The following CRACD variants were observed in gnomAD, a reference collection of about 807,000 sequenced individuals.
The protein encoded by CRACD is capping protein inhibiting regulator of actin dynamics.
CRACD carries 56 observed loss-of-function variants against 106.8 expected under a neutral mutation model. The observed-to-expected ratio is 0.52, with a 90% CI of 0.42 to 0.66. CRACD has a LOEUF of 0.66. CRACD is among the 30% of genes least tolerant of loss of function. The pLI is 0.00. For missense variants in CRACD, 1,730 were observed against 1,623.2 expected (o/e 1.07, Z -1.13); for synonymous variants, 754 against 670.8 (o/e 1.12, Z -1.92).
intron 1 of CRACD, among the ~76,000 whole-genome samples, chr4:56,157,556 A>G (rs1380006653): frequency 6.6e-6 from 1 of 152,178 alleles, no homozygotes; most frequent in Non-Finnish European, 1.5e-5. Context: ...AGCAAATACC[A>G]TCGCTGAGCA....
At position 56,310,676 on chromosome 4, in the gene CRACD, C is replaced by T. The variant is rs776810551; in HGVS notation, c.296C>T (p.Thr99Met). 284 of 1,610,060 alleles carry T rather than the reference C, an allele frequency of 1.8e-4. No homozygotes were observed. The highest frequency in any genetic ancestry group is 3.7e-4 in the Admixed American group (22 of 59,986). Residue 99 changes from threonine (T) to methionine (M), a missense_variant, in exon 6 of 11, where the codon ACG becomes ATG. Physicochemically the swap from Thr to Met is moderately conservative, Grantham distance 81 (BLOSUM62 -1). This residue lies in a region of CRACD where 1,620 missense variants were observed against 1,481.6 expected (regional missense o/e 1.09). Coordinates refer to ENST00000682029, the MANE Select transcript of CRACD (RefSeq NM_001393381.1). The part of the protein sequence containing the change: ...LSDAENKSSD[T>M]PSSLSPLNLP... ...CTCTTACTGTTCCAGTCCAGTGATA[C>T]GCCAAGTTCTCTAAGTCCTCTGAAT...
Position 56,328,866 on chromosome 4 carries a change from A to G in CRACD, c.*1062A>G, listed in dbSNP as rs1031643887. ...AAGCCAGCCATTTATTACAAGAAGCAACAGGTTATTGACATTACATGTTTG... is the reference window on the plus strand; with the variant it reads ...AAGCCAGCCATTTATTACAAGAAGCGACAGGTTATTGACATTACATGTTTG... On this transcript the variant is annotated 3_prime_UTR_variant, in exon 11 of 11. Coordinates refer to ENST00000682029, the MANE Select transcript of CRACD (RefSeq NM_001393381.1). Among the ~76,000 whole-genome samples, 17 of 152,230 alleles carry G rather than the reference A, an allele frequency of 1.1e-4. No homozygotes were observed. Among genetic ancestry groups the G allele is most frequent in the African/African-American group, 4.1e-4 (17 of 41,468 alleles).
intron 3 of CRACD, among the ~76,000 whole-genome samples, chr4:56,294,240 T>C (rs895747274): frequency 3.0e-4 from 45 of 148,656 alleles, no homozygotes; most frequent in Non-Finnish European, 5.2e-4. Context: ...AAAAAAAGAA[T>C]CAGCAGTCAT....
chr4:56,285,739 T>C (rs944606708), intron 3 of CRACD, among the ~76,000 whole-genome samples: 1 of 152,186 alleles, frequency 6.6e-6, no homozygotes, highest in Non-Finnish European at 1.5e-5. Context: ...CAGCACTGCT[T>C]ACACCATTCT....
chr4:56,310,806 T>A (rs1745113149), intron 6 of CRACD, 72 bp downstream of exon 6: 2 of 888,340 alleles, frequency 2.3e-6, no homozygotes, highest in Admixed American at 4.2e-5. Context: ...CCCTTTTTTT[T>A]TTTTGCGACC....
At chr4:56,153,389 G>A (rs376981004) in intron 1 of CRACD, among the ~76,000 whole-genome samples, 18 of 152,134 alleles carry the variant, frequency 1.2e-4, no homozygotes, top group African/African-American at 4.3e-4. Flanking sequence ...AAACCTTGAT[G>A]TCAGGCCTTA....
At chr4:56,326,637 C>T (rs1053868326) in intron 10 of CRACD, among the ~76,000 whole-genome samples, 10 of 151,990 alleles carry the variant, frequency 6.6e-5, no homozygotes, top group Non-Finnish European at 1.0e-4. Context: ...TAAAGTGATA[C>T]GGTGCAAAGA....
At chr4:56,239,984 T>G (rs1322467934) in intron 2 of CRACD, among the ~76,000 whole-genome samples, 1 of 152,038 alleles carries the variant, frequency 6.6e-6, no homozygotes, top group African/African-American at 2.4e-5. Flanking sequence ...ATGACAGGTT[T>G]TTTTTAACAG....
chr4:56,259,167 C>T (rs1295892571), intron 2 of CRACD, among the ~76,000 whole-genome samples: 1 of 152,144 alleles, frequency 6.6e-6, no homozygotes, highest in Non-Finnish European at 1.5e-5. Context: ...TGGGACTTGG[C>T]ATGAATGGCA....
At chr4:56,143,101 C>A (rs574917622) in intron 1 of CRACD, among the ~76,000 whole-genome samples, 1 of 151,650 alleles carries the variant, frequency 6.6e-6, no homozygotes, top group Non-Finnish European at 1.5e-5. Context: ...CTTGATTGGA[C>A]TTGAGTTAAA....
intron 1 of CRACD, among the ~76,000 whole-genome samples, chr4:56,072,058 G>A (rs1355952394): frequency 2.6e-5 from 4 of 151,116 alleles, no homozygotes; most frequent in Non-Finnish European, 4.4e-5. Flanking sequence ...AACCCGGGAG[G>A]CGGAGCTTGC....
At chr4:56,151,309 G>T (rs758694373) in intron 1 of CRACD, among the ~76,000 whole-genome samples, 3 of 152,040 alleles carry the variant, frequency 2.0e-5, no homozygotes, top group Non-Finnish European at 2.9e-5. Context: ...GGGTATGAGG[G>T]TTTTCATATC....
chr4:56,226,026 T>G (rs773913473), intron 2 of CRACD, among the ~76,000 whole-genome samples: 19 of 152,226 alleles, frequency 1.2e-4, no homozygotes, highest in Non-Finnish European at 2.2e-4. Flanking sequence ...AATGTGTGAA[T>G]GGAACCCTGA....
At chr4:56,154,828 A>G (rs115699615) in intron 1 of CRACD, among the ~76,000 whole-genome samples, 2,541 of 152,228 alleles carry the variant, frequency 0.017, 29 homozygotes, top group Admixed American at 0.041. Context: ...AGATAGAGGA[A>G]AAAAGAAGCA....
At chr4:56,288,048 T>C (rs1743473003) in intron 3 of CRACD, among the ~76,000 whole-genome samples, 1 of 152,190 alleles carries the variant, frequency 6.6e-6, no homozygotes, top group South Asian at 2.1e-4. Context: ...AGGAGTGGCA[T>C]GGATGGAACC....
At chr4:56,151,002 A>G (rs986679054) in intron 1 of CRACD, among the ~76,000 whole-genome samples, 3 of 151,942 alleles carry the variant, frequency 2.0e-5, no homozygotes, top group Admixed American at 6.6e-5. Flanking sequence ...TTATATATGT[A>G]TATATATTTT....
intron 3 of CRACD, among the ~76,000 whole-genome samples, chr4:56,283,177 C>A (rs1462032072): frequency 4.6e-5 from 7 of 152,114 alleles, no homozygotes; most frequent in Non-Finnish European, 8.8e-5. Flanking sequence ...TGGGGTGTGA[C>A]AACCTTTGCT....
In CRACD at chr4:56,313,235, C is replaced by T. The variant is rs376076751; in HGVS notation, c.393C>T (p.Phe131=). The change falls in exon 7 of 11, where the codon TTC becomes TTT. Residue 131 remains phenylalanine (F), a synonymous_variant. Coordinates refer to ENST00000682029, the MANE Select transcript of CRACD (RefSeq NM_001393381.1). The stretch of plus-strand genomic sequence containing the variant: ...AACCGTCTCGGCCAAAAAGGCACTT[C>T]TCTTCTGCTGGCACCATCGAAAGTG... The part of the protein sequence containing the change: ...PVKPSRPKRH[F]SSAGTIESVN... 1 of 1,614,194 alleles carries T rather than the reference C, an allele frequency of 6.2e-7. No individual in the cohort carries two copies. The highest frequency in any genetic ancestry group is 8.5e-7 in the Non-Finnish European group (1 of 1,180,036).
chr4:56,276,372 T>C (rs1315625092), intron 3 of CRACD, among the ~76,000 whole-genome samples: 1 of 152,160 alleles, frequency 6.6e-6, no homozygotes, highest in East Asian at 1.9e-4. Context: ...TGCGAATGTG[T>C]CCTGTGAATC....
Sources: allele counts gnomAD v4.1 joint callset (sites outside exome capture counted in the v4.1 genomes callset), GRCh38; gene constraint gnomAD v4.1.1; regional missense constraint gnomAD v4.1.1; transcripts MANE v1.5; gene names NCBI Gene and HGNC (gene_info 2026-07-23, HGNC 2026-07-21).